UNC5C: variants seen among roughly 807,000 people sequenced by gnomAD.
The protein encoded by UNC5C is netrin receptor UNC5C.
A neutral mutation model predicts 99.8 loss-of-function variants in UNC5C; 47 were observed. The observed-to-expected ratio is 0.47, with a 90% CI of 0.37 to 0.60. The LOEUF is 0.60. Among genes scored for constraint, UNC5C ranks in the 20% least tolerant of loss-of-function variants. The pLI is 0.00. For missense variants in UNC5C, 1,062 were observed against 1,165.9 expected, an observed-to-expected ratio of 0.91 and a Z score of 1.30; for synonymous variants, 487 against 452.2, an observed-to-expected ratio of 1.08 and a Z score of -0.98.
At chr4:95,441,034 A>C (rs1746936006) in intron 1 of UNC5C, among the ~76,000 whole-genome samples, 1 of 152,202 alleles carries the variant, frequency 6.6e-6, no homozygotes, top group Admixed American at 6.5e-5. Flanking sequence ...AATAAAAACG[A>C]AACTGGACAG....
chr4:95,467,710 C>T (rs950785193), intron 1 of UNC5C, among the ~76,000 whole-genome samples: 1 of 152,032 alleles, frequency 6.6e-6, no homozygotes, highest in African/African-American at 2.4e-5. Context: ...GGGCACCAAC[C>T]CTTCACATAG....
At chr4:95,248,847 C>G (rs1739593041) in intron 5 of UNC5C, among the ~76,000 whole-genome samples, 1 of 152,214 alleles carries the variant, frequency 6.6e-6, no homozygotes, top group African/African-American at 2.4e-5. Flanking sequence ...TACAAATGTG[C>G]TATAGCCTAA....
At chr4:95,239,474 C>T (rs1739249076) in intron 7 of UNC5C, among the ~76,000 whole-genome samples, 1 of 152,098 alleles carries the variant, frequency 6.6e-6, no homozygotes, top group Non-Finnish European at 1.5e-5. Flanking sequence ...CTCACAAAGC[C>T]AGGACTTCTT....
chr4:95,335,778 T>C (rs542339839), intron 1 of UNC5C, 147 bp from the exon 2 acceptor site: 88 of 635,986 alleles, frequency 1.4e-4, no homozygotes, highest in Non-Finnish European at 2.1e-4. Context: ...GTTAGATCTA[T>C]TGACTGGTCA....
intron 6 of UNC5C, among the ~76,000 whole-genome samples, chr4:95,243,385 A>G (rs1459989385): frequency 6.6e-6 from 1 of 152,184 alleles, no homozygotes; most frequent in Non-Finnish European, 1.5e-5. Flanking sequence ...CACACAACTT[A>G]AGTCTCAGTT....
At chr4:95,497,899 A>G (rs948010297) in intron 1 of UNC5C, among the ~76,000 whole-genome samples, 8 of 151,952 alleles carry the variant, frequency 5.3e-5, no homozygotes, top group African/African-American at 1.9e-4. Flanking sequence ...ATAATCCTAC[A>G]TAATTCTTTA....
chr4:95,276,298 G>A (rs1465695579), intron 4 of UNC5C, among the ~76,000 whole-genome samples: 1 of 152,080 alleles, frequency 6.6e-6, no homozygotes, highest in Non-Finnish European at 1.5e-5. Flanking sequence ...AAAAAGAAAT[G>A]CATATTAAAT....
chr4:95,526,495 T>C (rs1490946497), intron 1 of UNC5C, among the ~76,000 whole-genome samples: 2 of 152,136 alleles, frequency 1.3e-5, no homozygotes, highest in African/African-American at 2.4e-5. Flanking sequence ...AGTCAAGCTA[T>C]ACTTTAAATT....
At chr4:95,454,774 A>C (rs756299776) in intron 1 of UNC5C, among the ~76,000 whole-genome samples, 1 of 152,108 alleles carries the variant, frequency 6.6e-6, no homozygotes, top group East Asian at 1.9e-4. Flanking sequence ...TTATGACTCA[A>C]TGATTTTCTG....
intron 7 of UNC5C, among the ~76,000 whole-genome samples, chr4:95,240,168 A>T (rs1739277697): frequency 6.6e-6 from 1 of 152,196 alleles, no homozygotes; most frequent in South Asian, 2.1e-4. Flanking sequence ...TGCTGATTAC[A>T]ACTTTCTGGC....
At chr4:95,416,737 C>A (rs1464803614) in intron 1 of UNC5C, among the ~76,000 whole-genome samples, 3 of 152,130 alleles carry the variant, frequency 2.0e-5, no homozygotes, top group Non-Finnish European at 2.9e-5. Context: ...AATCACAGAG[C>A]AGCAGAACCA....
At chr4:95,400,384 CTTTTTTTTTT>C (rs1171870515) in intron 1 of UNC5C, among the ~76,000 whole-genome samples, 6 of 65,792 alleles carry the variant, frequency 9.1e-5, no homozygotes, top group East Asian at 5.3e-4. Context: ...GAGATGAATT[CTTTTTTTTTT>C]TTTTTTTTTT....
At chr4:95,310,854 C>T (rs1742250968) in intron 2 of UNC5C, among the ~76,000 whole-genome samples, 1 of 152,096 alleles carries the variant, frequency 6.6e-6, no homozygotes, top group Non-Finnish European at 1.5e-5. Context: ...AACTATAGAT[C>T]AACGCACGGT....
chr4:95,253,892 C>A (rs531115752), intron 4 of UNC5C, among the ~76,000 whole-genome samples: 2 of 152,132 alleles, frequency 1.3e-5, no homozygotes, highest in African/African-American at 4.8e-5. Flanking sequence ...TCTTCCATAC[C>A]GCCTGGAAGA....
At chr4:95,496,801 C>A (rs931783809) in intron 1 of UNC5C, among the ~76,000 whole-genome samples, 5 of 151,792 alleles carry the variant, frequency 3.3e-5, no homozygotes, top group Non-Finnish European at 4.4e-5. Flanking sequence ...GAAATGTACA[C>A]CATACCCAAT....
Position 95,517,862 on chromosome 4 carries a change from G to A in UNC5C, c.124+30872C>T, listed in dbSNP as rs564651500. On this transcript the variant is annotated intron_variant, in intron 1 of 15. Coordinates refer to ENST00000453304, the MANE Select transcript of UNC5C (RefSeq NM_003728.4). ...TAAATTATGTTAAGTAACTCATTGA[G>A]TCTCTGATTTAGATTTTTTTTTCTC... is the stretch of plus-strand genomic sequence containing the variant. Among the ~76,000 whole-genome samples the A allele has an allele frequency of 6.6e-5, 10 of 152,138 alleles. 1 individual carries two copies. In the South Asian group the frequency reaches 1.9e-3, roughly 28 times the overall value.
In UNC5C at chr4:95,216,399, A is replaced by G. The variant is rs146124188; in HGVS notation, c.1646-188T>C. ...ACGGCTCCCTCTGAACTCTTATGCA[A>G]TTACTTAAAGGAATGATGTAACTTT... On this transcript the variant is annotated intron_variant, in intron 9 of 15. Transcript: ENST00000453304. Among the ~76,000 whole-genome samples, 36 of 152,242 alleles carry G rather than the reference A, an allele frequency of 2.4e-4. No homozygotes were observed. In the East Asian group the frequency reaches 3.1e-3, roughly 13 times the overall value.
intron 1 of UNC5C, among the ~76,000 whole-genome samples, chr4:95,385,287 A>C (rs1343412018): frequency 6.6e-6 from 1 of 152,206 alleles, no homozygotes; most frequent in Non-Finnish European, 1.5e-5. Context: ...CTCGTAACCT[A>C]TAAAAATGGT....
intron 1 of UNC5C, among the ~76,000 whole-genome samples, chr4:95,335,885 G>A (rs550269236): frequency 2.9e-4 from 44 of 151,828 alleles, no homozygotes; most frequent in Non-Finnish European, 4.7e-4. Flanking sequence ...GTAGTAAATA[G>A]CAGAGCTGAA....
Sources: allele counts gnomAD v4.1 joint callset (sites outside exome capture counted in the v4.1 genomes callset), GRCh38; gene constraint gnomAD v4.1.1; transcripts MANE v1.5; gene names NCBI Gene and HGNC (gene_info 2026-07-23, HGNC 2026-07-21).